TENM2: variants seen among roughly 807,000 people sequenced by gnomAD.
The protein encoded by TENM2 is teneurin transmembrane protein 2, also known as teneurin-2.
In TENM2, 52 loss-of-function variants were observed where a neutral mutation model predicts 245.2. The ratio of observed to expected loss-of-function variants is 0.21; its 90% confidence interval spans 0.17 to 0.27. The LOEUF is 0.27. Among genes scored for constraint, TENM2 ranks in the 10% least tolerant of loss-of-function variants. The probability of loss-of-function intolerance (pLI) is 1.00; values close to 1 mark genes in which losing one functional copy is unlikely to be tolerated. For synonymous variants in TENM2, 1,363 were observed against 1,438.9 expected (o/e 0.95, Z 1.19); for missense variants, 3,046 against 3,666.8 (o/e 0.83, Z 4.37).
chr5:168,066,584 A>G (rs1195001951), intron 7 of TENM2, among the ~76,000 whole-genome samples: 1 of 152,184 alleles, frequency 6.6e-6, no homozygotes, highest in Non-Finnish European at 1.5e-5. Flanking sequence ...ACTTGCATAA[A>G]TGTAATATTA....
At chr5:167,658,891 T>A (rs2150315113) in intron 2 of TENM2, among the ~76,000 whole-genome samples, 1 of 152,302 alleles carries the variant, frequency 6.6e-6, no homozygotes, top group South Asian at 2.1e-4. Context: ...CAATCCTCCC[T>A]TTGAGTTCCC....
At chr5:167,681,246 C>A (rs1756686374) in intron 2 of TENM2, among the ~76,000 whole-genome samples, 1 of 152,042 alleles carries the variant, frequency 6.6e-6, no homozygotes. Context: ...TGTTTTTCTT[C>A]TTTTCTTCTT....
the TENM2 span, among the ~76,000 whole-genome samples, chr5:167,241,523 G>A: frequency 6.6e-6 from 1 of 152,156 alleles, no homozygotes; most frequent in Admixed American, 6.5e-5. Context: ...GATGAACATT[G>A]CACACTGAGA....
chr5:167,586,269 T>C (rs1334359657), intron 2 of TENM2, among the ~76,000 whole-genome samples: 1 of 152,190 alleles, frequency 6.6e-6, no homozygotes, highest in Non-Finnish European at 1.5e-5. Flanking sequence ...GGAGGAAGTA[T>C]GTAGGTTATA....
At chr5:168,234,165 G>T (rs922497252) in intron 25 of TENM2, among the ~76,000 whole-genome samples, 1 of 151,952 alleles carries the variant, frequency 6.6e-6, no homozygotes, top group Non-Finnish European at 1.5e-5. Flanking sequence ...GTGGGGGGTG[G>T]TCAGGCAGAC....
chr5:167,952,169 T>G lies in TENM2; in HGVS notation c.713-419T>G, dbSNP rs372025961. On this transcript the variant is annotated intron_variant, in intron 3 of 28. Transcript: ENST00000518659. Reference sequence around the variant, plus strand: ...ATTCCCTGACTTAGAGTGTTCCATATTCTTAATATCTTCAAAAGATGAAAT... The same window carrying G: ...ATTCCCTGACTTAGAGTGTTCCATAGTCTTAATATCTTCAAAAGATGAAAT... Among the ~76,000 whole-genome samples, 15 of 152,330 alleles carry G rather than the reference T, an allele frequency of 9.8e-5. No individual in the cohort carries two copies. The South Asian group carries it at 2.7e-3, about 27-fold the overall frequency.
chr5:167,914,415 C>T lies in TENM2; in HGVS notation c.713-38173C>T, dbSNP rs569736780. On this transcript the variant is annotated intron_variant, in intron 3 of 28. Coordinates refer to ENST00000518659, the Ensembl canonical transcript of TENM2. ...CATTAGACTGAGTCTTTCTCATGCT[C>T]CTGTCTCTCTGGTTCTCTCTCTTCT... Among the ~76,000 whole-genome samples the T allele has an allele frequency of 9.9e-5, 15 of 152,266 alleles. No homozygotes were observed. In the South Asian group the frequency reaches 1.7e-3, roughly 17 times the overall value.
intron 2 of TENM2, among the ~76,000 whole-genome samples, chr5:167,858,030 T>C (rs940669054): frequency 5.9e-5 from 9 of 152,260 alleles, no homozygotes; most frequent in Non-Finnish European, 8.8e-5. Flanking sequence ...CAATGGACTT[T>C]CTCCGTAGCT....
At chr5:167,718,741 A>G (rs1434609002) in intron 2 of TENM2, among the ~76,000 whole-genome samples, 1 of 152,138 alleles carries the variant, frequency 6.6e-6, no homozygotes, top group Non-Finnish European at 1.5e-5. Flanking sequence ...TTCAGTTAAG[A>G]AAGTCCAGTT....
intron 2 of TENM2, among the ~76,000 whole-genome samples, chr5:167,694,568 C>T (rs1487424027): frequency 6.6e-6 from 1 of 152,156 alleles, no homozygotes; most frequent in African/African-American, 2.4e-5. Context: ...CATGCTGAGC[C>T]TATCCACTCT....
At chr5:167,609,795 C>T (rs531186366) in intron 2 of TENM2, among the ~76,000 whole-genome samples, 31 of 152,250 alleles carry the variant, frequency 2.0e-4, no homozygotes, top group South Asian at 6.2e-4. Flanking sequence ...ATGTTCAACA[C>T]GGAATACTTA....
At chr5:167,146,981 G>A in the TENM2 span, among the ~76,000 whole-genome samples, 2 of 152,152 alleles carry the variant, frequency 1.3e-5, no homozygotes, top group African/African-American at 2.4e-5. Flanking sequence ...CATTCGCAGT[G>A]ATAGAACGTT....
At chr5:167,207,189 G>A in the TENM2 span, among the ~76,000 whole-genome samples, 1 of 152,178 alleles carries the variant, frequency 6.6e-6, no homozygotes, top group African/African-American at 2.4e-5. Context: ...ATCTCTTGGT[G>A]AGAAATTGGC....
chr5:167,904,641 T>A (rs1047487833), intron 3 of TENM2, among the ~76,000 whole-genome samples: 54 of 152,274 alleles, frequency 3.5e-4, no homozygotes, highest in African/African-American at 1.2e-3. Flanking sequence ...AGTGATTAAA[T>A]CCACCTTTTT....
chr5:167,462,275 G>A (rs1337991910), intron 2 of TENM2, among the ~76,000 whole-genome samples: 1 of 146,510 alleles, frequency 6.8e-6, no homozygotes, highest in East Asian at 2.2e-4. Flanking sequence ...GGAGCATGCA[G>A]ACAGGTAGGT....
At chr5:167,370,266 CG>C (rs1257692825) in intron 1 of TENM2, among the ~76,000 whole-genome samples, 5 of 143,600 alleles carry the variant, frequency 3.5e-5, no homozygotes, top group African/African-American at 1.0e-4. Context: ...GGCGTGAACC[CG>C]GGAGGTGGAG....
At chr5:167,707,026 A>AG (rs1458357855) in intron 2 of TENM2, among the ~76,000 whole-genome samples, 1 of 150,898 alleles carries the variant, frequency 6.6e-6, no homozygotes, top group African/African-American at 2.4e-5. Context: ...AAAAAAAAAA[A>AG]AAAAAAAAAA....
At chr5:167,323,071 G>T (rs912393369) in intron 1 of TENM2, among the ~76,000 whole-genome samples, 2 of 152,204 alleles carry the variant, frequency 1.3e-5, no homozygotes, top group Non-Finnish European at 2.9e-5. Flanking sequence ...GTTTGTTCTG[G>T]TCTCATCTGA....
intron 3 of TENM2, among the ~76,000 whole-genome samples, chr5:167,951,891 T>G (rs549790230): frequency 6.6e-6 from 1 of 152,250 alleles, no homozygotes; most frequent in Non-Finnish European, 1.5e-5. Flanking sequence ...TATACACACA[T>G]ACATATATAT....
Sources: allele counts gnomAD v4.1 joint callset (sites outside exome capture counted in the v4.1 genomes callset), GRCh38; gene constraint gnomAD v4.1.1; transcripts MANE v1.5; gene names NCBI Gene and HGNC (gene_info 2026-07-23, HGNC 2026-07-21).